TRERF1: variants seen among roughly 807,000 people sequenced by gnomAD.
The protein encoded by TRERF1 is transcriptional-regulating factor 1.
Under a neutral mutation model 122.9 loss-of-function variants are expected in TRERF1, and 27 were observed. The observed-to-expected ratio is 0.22, with a 90% CI of 0.16 to 0.30. The LOEUF is 0.30. Ranked by LOEUF, TRERF1 falls within the 10% of genes least tolerant of loss-of-function variation. The pLI is 1.00. For synonymous variants in TRERF1, 636 were observed against 641.7 expected (o/e 0.99, Z 0.13); for missense variants, 1,248 against 1,560.3 (o/e 0.80, Z 3.37).
chr6:42,329,861 C>T (rs1462890881), intron 3 of TRERF1, among the ~76,000 whole-genome samples: 3 of 151,846 alleles, frequency 2.0e-5, no homozygotes, highest in East Asian at 1.9e-4. Flanking sequence ...GTGGTGGGGG[C>T]GCCTGTAATC....
At chr6:42,303,927 A>G (rs6934490) in intron 3 of TRERF1, among the ~76,000 whole-genome samples, 13 of 150,010 alleles carry the variant, frequency 8.7e-5, no homozygotes, top group Non-Finnish European at 1.0e-4. Flanking sequence ...AAAAAAAAAA[A>G]AAGAAGATGT....
At chr6:42,400,466 T>C (rs1303747284) in intron 2 of TRERF1, among the ~76,000 whole-genome samples, 1 of 152,188 alleles carries the variant, frequency 6.6e-6, no homozygotes, top group Non-Finnish European at 1.5e-5. Flanking sequence ...GCATTCACGA[T>C]TGCTTGACAC....
rs147703655 is a variant in TRERF1, at chr6:42,386,714, C to T, written c.-453-23635G>A. Among the ~76,000 whole-genome samples, 26 of 152,296 alleles carry T rather than the reference C, an allele frequency of 1.7e-4. 1 individual carries two copies. The highest frequency in any genetic ancestry group is 5.8e-4 in the African/African-American group (24 of 41,556). On this transcript the variant is annotated intron_variant, in intron 2 of 17. Transcript: ENST00000372922. ...TGGATCAAGAAGCCAACTCCTGGGA[C>T]CCTTCCGGATCTTTGGTTGGGAAGC...
intron 4 of TRERF1, among the ~76,000 whole-genome samples, chr6:42,296,323 T>G (rs755209025): frequency 2.0e-5 from 3 of 152,214 alleles, no homozygotes; most frequent in Non-Finnish European, 4.4e-5. Context: ...ACATTAGATT[T>G]CTGCCTCCAT....
At chr6:42,273,801 C>A (rs926545562) in intron 4 of TRERF1, among the ~76,000 whole-genome samples, 1 of 152,202 alleles carries the variant, frequency 6.6e-6, no homozygotes, top group Non-Finnish European at 1.5e-5. Flanking sequence ...CCTTAAAAGG[C>A]TTATACAAAG....
chr6:42,259,499 G>A lies in TRERF1; in HGVS notation c.2109C>T (p.His703=), dbSNP rs780830447. Residue 703 remains histidine, a synonymous_variant, in exon 9 of 18, where the codon CAC becomes CAT. Coordinates refer to ENST00000372922, the Ensembl canonical transcript of TRERF1. This position sits in a 1 kb window ranked among gnomAD's most constrained non-coding sequence, Gnocchi z 4.9. ...GTGGGGGCGTGTAAGGGGGCAGCTC[G>A]TGGGTGGGGTCCAGGAGCAGGTGGT... The A allele has an allele frequency of 6.2e-6, 10 of 1,611,898 alleles. 1 individual carries two copies. The South Asian group carries it at 6.6e-5, about 11-fold the overall frequency.
chr6:42,259,541 G>C lies in TRERF1; in HGVS notation c.2067C>G (p.Ser689=). 1 of 1,613,594 alleles carries C rather than the reference G, an allele frequency of 6.2e-7. No homozygotes were observed. The highest frequency in any genetic ancestry group is 1.7e-4 in the Middle Eastern group (1 of 6,040). Reference sequence around the variant, plus strand: ...GCAGGTGGTCCCCGAGGACGCGCGGGGAGCGCAGCTGGCTCTGGTACAGGG... The same window carrying C: ...GCAGGTGGTCCCCGAGGACGCGCGGCGAGCGCAGCTGGCTCTGGTACAGGG... Residue 689 remains serine, a synonymous_variant, in exon 9 of 18, where the codon TCC becomes TCG. Transcript: ENST00000372922. This position sits in a 1 kb window ranked among gnomAD's most constrained non-coding sequence, Gnocchi z 4.9.
At chr6:42,321,016 A>G (rs762361946) in intron 3 of TRERF1, among the ~76,000 whole-genome samples, 2 of 152,164 alleles carry the variant, frequency 1.3e-5, no homozygotes, top group Non-Finnish European at 2.9e-5. Context: ...CTCATGACTC[A>G]GAGACGCCAG....
At chr6:42,312,008 G>A (rs1343941481) in intron 3 of TRERF1, among the ~76,000 whole-genome samples, 1 of 152,038 alleles carries the variant, frequency 6.6e-6, no homozygotes, top group Non-Finnish European at 1.5e-5. Flanking sequence ...ACATATCATG[G>A]GGAGACCAGG....
At chr6:42,410,553 C>G (rs1038537589) in intron 2 of TRERF1, among the ~76,000 whole-genome samples, 1 of 152,188 alleles carries the variant, frequency 6.6e-6, no homozygotes, top group Non-Finnish European at 1.5e-5. Context: ...AATCAAACAT[C>G]TCCTCTGTGA....
At chr6:42,419,793 C>A (rs1213744480) in intron 2 of TRERF1, among the ~76,000 whole-genome samples, 1 of 152,158 alleles carries the variant, frequency 6.6e-6, no homozygotes, top group South Asian at 2.1e-4. Flanking sequence ...CTGCTCAGGG[C>A]AAGCACTCCT....
intron 2 of TRERF1, among the ~76,000 whole-genome samples, chr6:42,438,705 A>G (rs1042949644): frequency 6.6e-6 from 1 of 152,332 alleles, no homozygotes; most frequent in East Asian, 1.9e-4. Context: ...CATATCAGCT[A>G]CTTGCCTTTT....
chr6:42,263,243 G>A lies in TRERF1; in HGVS notation c.1884+77C>T. The A allele has an allele frequency of 6.6e-7, 1 of 1,511,576 alleles. No individual in the cohort carries two copies. Among genetic ancestry groups the A allele is most frequent in the African/African-American group, 1.4e-5 (1 of 72,524 alleles). The allele number at this position is 1,511,576 out of a possible 1,614,324, so 93.6% of individuals were successfully genotyped here. On this transcript the variant is annotated intron_variant, in intron 8 of 17. Transcript: ENST00000372922. The surrounding 1 kb of genome is among the most constrained non-coding windows in gnomAD (Gnocchi z 5.6). ...GGATGTCCCCACCCAGGCAGGTGGG[G>A]CAGAGCAGCAACTCACAGCAGGCGT...
chr6:42,240,615 G>C (rs1773464773), intron 15 of TRERF1, among the ~76,000 whole-genome samples: 1 of 152,216 alleles, frequency 6.6e-6, no homozygotes, highest in South Asian at 2.1e-4. Context: ...CCTGTAAAAT[G>C]GTGAAATTGG....
chr6:42,417,864 G>A (rs766188642), intron 2 of TRERF1, among the ~76,000 whole-genome samples: 40 of 152,330 alleles, frequency 2.6e-4, no homozygotes, highest in Non-Finnish European at 4.6e-4. Context: ...CCAAGAACTC[G>A]GTGAGCTGCA....
intron 2 of TRERF1, among the ~76,000 whole-genome samples, chr6:42,418,464 T>C (rs1451355636): frequency 1.3e-5 from 2 of 151,776 alleles, no homozygotes; most frequent in Non-Finnish European, 2.9e-5. Flanking sequence ...AGACATGGGG[T>C]TTCACCATGT....
chr6:42,272,969 A>G (rs1043919389), intron 4 of TRERF1, among the ~76,000 whole-genome samples: 1 of 152,040 alleles, frequency 6.6e-6, no homozygotes, highest in African/African-American at 2.4e-5. Context: ...GTTTTCAGAG[A>G]GCTCTTTCCT....
chr6:42,355,113 G>A (rs540284231), intron 3 of TRERF1, among the ~76,000 whole-genome samples: 2 of 152,202 alleles, frequency 1.3e-5, no homozygotes, highest in African/African-American at 4.8e-5. Flanking sequence ...ACTATTTTAT[G>A]ACTCTCTGCA....
At chr6:42,225,524 T>C (rs979619524) in exon 18 of TRERF1, 3 of 151,958 alleles carry the variant, frequency 2.0e-5, no homozygotes, top group African/African-American at 7.3e-5. Flanking sequence ...TGCTTTAATA[T>C]GGACCAAGGG....
Sources: gnomAD v4.1 joint callset for allele counts (sites outside exome capture counted in the v4.1 genomes callset) on GRCh38, gnomAD v4.1.1 for gene constraint, Gnocchi (gnomAD v3.1) non-coding constraint, MANE v1.5 for transcripts, NCBI Gene and HGNC (gene_info 2026-07-23, HGNC 2026-07-21) for gene names.